Variants in SPAG16 observed in about 807,000 individuals in gnomAD.
The protein encoded by SPAG16 is sperm-associated antigen 16 protein.
SPAG16 carries 86 observed loss-of-function variants against 80.4 expected under a neutral mutation model. That is an observed-to-expected ratio of 1.07 (90% CI 0.90 to 1.28). The LOEUF (loss-of-function observed/expected upper bound fraction) is 1.28, where lower values mean the gene tolerates loss of function less well. Ranked by LOEUF, SPAG16 falls within the 50% of genes most tolerant of loss-of-function variation. SPAG16 has a pLI of 0.00. For synonymous variants in SPAG16, 294 were observed against 265.9 expected (o/e 1.11, Z -1.03); for missense variants, 870 against 765.3 (o/e 1.14, Z -1.61).
intron 12 of SPAG16, among the ~76,000 whole-genome samples, chr2:213,931,065 G>GAAGTTGTT (rs2078726391): frequency 6.8e-6 from 1 of 147,802 alleles, no homozygotes. Context: ...GCTCTTTCTT[G>GAAGTTGTT]AAGTTGTTAT....
chr2:213,366,991 A>T (rs184555979), intron 8 of SPAG16, among the ~76,000 whole-genome samples: 2 of 151,966 alleles, frequency 1.3e-5, no homozygotes, highest in South Asian at 2.1e-4. Context: ...CCTGTGTCCA[A>T]GTGTTCTCAT....
chr2:213,683,659 T>C (rs186648458), intron 10 of SPAG16, among the ~76,000 whole-genome samples: 1 of 152,338 alleles, frequency 6.6e-6, no homozygotes, highest in East Asian at 1.9e-4. Flanking sequence ...TTATATATTT[T>C]TTTTCAAGTT....
intron 10 of SPAG16, among the ~76,000 whole-genome samples, chr2:213,714,736 G>C (rs2066155695): frequency 6.6e-6 from 1 of 152,100 alleles, no homozygotes; most frequent in Admixed American, 6.5e-5. Flanking sequence ...ATTTCATAGG[G>C]AAAACTGAGG....
At chr2:214,346,147 T>C (rs2126039672) in intron 15 of SPAG16, among the ~76,000 whole-genome samples, 1 of 152,364 alleles carries the variant, frequency 6.6e-6, no homozygotes, top group South Asian at 2.1e-4. Flanking sequence ...CCAAACATAG[T>C]GTATGAGAAT....
intron 13 of SPAG16, among the ~76,000 whole-genome samples, chr2:214,033,625 G>C (rs562250754): frequency 6.6e-6 from 1 of 152,196 alleles, no homozygotes; most frequent in Admixed American, 6.5e-5. Flanking sequence ...TTACCAAAAA[G>C]TTGTAAGAAT....
chr2:214,163,418 A>T (rs1576387591), intron 15 of SPAG16, among the ~76,000 whole-genome samples: 1 of 151,880 alleles, frequency 6.6e-6, no homozygotes, highest in East Asian at 1.9e-4. Flanking sequence ...TACTCATAAT[A>T]GTTGCATTGT....
intron 9 of SPAG16, among the ~76,000 whole-genome samples, chr2:213,407,971 GACA>G (rs2068748862): frequency 1.6e-5 from 2 of 125,248 alleles, no homozygotes; most frequent in Non-Finnish European, 3.6e-5. Context: ...CAGAGAGAGA[GACA>G]GGAGAGAGAG....
rs147565640 is a variant in SPAG16 at position 214,146,459 on chromosome 2, A to G, written c.1594-2681A>G. On this transcript the variant is annotated intron_variant, in intron 14 of 15. Transcript: ENST00000331683. Reference sequence around the variant, plus strand: ...TTCAGACCTATCAGGGTTGGAATTAATATTCACCTGCAAAACTGCTTTGGA... The same window carrying G: ...TTCAGACCTATCAGGGTTGGAATTAGTATTCACCTGCAAAACTGCTTTGGA... Among the ~76,000 whole-genome samples, 747 of 152,272 alleles carry G rather than the reference A, an allele frequency of 4.9e-3. 3 individuals carry two copies. The highest frequency in any genetic ancestry group is 0.024 in the Middle Eastern group (7 of 294).
chr2:213,732,337 C>CGA (rs1559418936), intron 10 of SPAG16, among the ~76,000 whole-genome samples: 1 of 71,166 alleles, frequency 1.4e-5, no homozygotes, highest in African/African-American at 4.2e-5. Context: ...ATTGCCCCCC[C>CGA]CGCAAAAAAA....
intron 15 of SPAG16, among the ~76,000 whole-genome samples, chr2:214,306,217 C>G (rs991081653): frequency 6.6e-5 from 10 of 152,120 alleles, no homozygotes; most frequent in African/African-American, 1.9e-4. Context: ...GAATTTTGCA[C>G]ATTGATTGGG....
At chr2:213,873,437 C>T (rs2076026005) in intron 11 of SPAG16, among the ~76,000 whole-genome samples, 1 of 151,488 alleles carries the variant, frequency 6.6e-6, no homozygotes, top group Non-Finnish European at 1.5e-5. Flanking sequence ...TTTTGTTGCT[C>T]TTTTCAAAAA....
Position 214,149,145 on chromosome 2 carries a change from C to T in SPAG16, c.1599C>T (p.His533=), listed in dbSNP as rs777841882. The change falls in exon 15 of 16, where the codon CAC becomes CAT. Residue 533 remains histidine (H), a synonymous_variant. Transcript: ENST00000331683. ...INDAIFDPRG[H]MIASCDACGV... The stretch of plus-strand genomic sequence containing the variant: ...GTTTATCTTATATTTTGAAGGGTCA[C>T]ATGATAGCATCCTGTGATGCCTGTG... 1.9e-6 allele frequency: 3 copies of T among 1,555,896 alleles called. No individual in the cohort carries two copies. The highest frequency in any genetic ancestry group is 2.5e-5 in the East Asian group (1 of 39,438).
At chr2:214,126,041 TCCTTCCTTCCTTCCTTCC>T (rs1559823068) in intron 14 of SPAG16, among the ~76,000 whole-genome samples, 3,660 of 41,782 alleles carry the variant, frequency 0.088, 298 homozygotes, top group Non-Finnish European at 0.11. Context: ...CTTCCTTCCT[TCCTTCCTTCCTTCCTTCC>T]TTTTTTTTTT....
intron 9 of SPAG16, among the ~76,000 whole-genome samples, chr2:213,417,962 T>A (rs2069360363): frequency 6.6e-6 from 1 of 151,830 alleles, no homozygotes; most frequent in South Asian, 2.1e-4. Flanking sequence ...CAACATCTGC[T>A]TCCCAGGTTC....
chr2:214,000,786 G>T (rs1274680989), intron 12 of SPAG16, among the ~76,000 whole-genome samples: 1 of 152,210 alleles, frequency 6.6e-6, no homozygotes, highest in Non-Finnish European at 1.5e-5. Context: ...AAGATACTGA[G>T]CTTTGAAGGC....
intron 10 of SPAG16, among the ~76,000 whole-genome samples, chr2:213,739,558 T>C (rs1401664084): frequency 1.3e-5 from 2 of 152,206 alleles, no homozygotes; most frequent in South Asian, 2.1e-4. Context: ...AAAAAATTGT[T>C]TTGACACTAA....
chr2:213,903,768 C>G (rs1480041709), intron 11 of SPAG16, among the ~76,000 whole-genome samples: 3 of 152,122 alleles, frequency 2.0e-5, no homozygotes, highest in Non-Finnish European at 4.4e-5. Flanking sequence ...AACGTTTATG[C>G]TCTGCTTCCC....
At chr2:214,240,005 C>G (rs184561591) in intron 15 of SPAG16, 1 of 152,106 alleles carries the variant, frequency 6.6e-6, no homozygotes, top group Non-Finnish European at 1.5e-5. Context: ...GTAGTCAATA[C>G]CCACGCCAGA....
At chr2:213,489,208 G>A (rs1165332027) in intron 9 of SPAG16, among the ~76,000 whole-genome samples, 1 of 152,056 alleles carries the variant, frequency 6.6e-6, no homozygotes. Context: ...AGAATTAGCT[G>A]TAAGGGGATT....
Sources: allele counts gnomAD v4.1 joint callset (sites outside exome capture counted in the v4.1 genomes callset), GRCh38; gene constraint gnomAD v4.1.1; transcripts MANE v1.5; gene names NCBI Gene and HGNC (gene_info 2026-07-23, HGNC 2026-07-21).